The following DAB1 variants were observed in gnomAD, a reference collection of about 807,000 sequenced individuals.
DAB1 encodes the protein DAB adaptor protein 1.
A neutral mutation model predicts 64.6 loss-of-function variants in DAB1; 15 were observed. That is an observed-to-expected ratio of 0.23 (90% CI 0.16 to 0.36). The LOEUF is 0.36. DAB1 is among the 10% of genes least tolerant of loss of function. The pLI is 1.00. For synonymous variants in DAB1, 235 were observed against 251.9 expected, an observed-to-expected ratio of 0.93 and a Z score of 0.64; for missense variants, 596 against 706.7, an observed-to-expected ratio of 0.84 and a Z score of 1.78.
At chr1:58,405,510 C>T (rs1315180470) in intron 3 of DAB1, among the ~76,000 whole-genome samples, 1 of 152,068 alleles carries the variant, frequency 6.6e-6, no homozygotes, top group African/African-American at 2.4e-5. Context: ...GGACTACAGG[C>T]ATGCACCATC....
rs145508127 is a variant in DAB1, at chr1:58,111,816, G to A, written n.387+38695C>T. Among the ~76,000 whole-genome samples, 173 of 151,988 alleles carry A rather than the reference G, an allele frequency of 1.1e-3. 1 individual carries two copies. The East Asian group carries it at 0.023, about 20-fold the overall frequency. ...TCTCAGCTCTGAACTGCCCTCCATG[G>A]TTCCCTTCTTGCTCTTACTATAATC... On this transcript the variant is annotated intron_variant and non_coding_transcript_variant, in intron 5 of 20. Coordinates refer to the DAB1 transcript ENST00000485760.
intron 5 of DAB1, among the ~76,000 whole-genome samples, chr1:57,911,565 C>A (rs1214498482): frequency 6.6e-6 from 1 of 152,154 alleles, no homozygotes; most frequent in Non-Finnish European, 1.5e-5. Flanking sequence ...TCAGCATCAG[C>A]CAAGTGGCAC....
At chr1:57,620,378 C>G (rs1489621541) in intron 7 of DAB1, among the ~76,000 whole-genome samples, 1 of 152,174 alleles carries the variant, frequency 6.6e-6, no homozygotes, top group African/African-American at 2.4e-5. Context: ...AATGATAGGT[C>G]CCTCTGGACT....
In DAB1 at chr1:58,539,287, A is replaced by C. The variant is rs751307548; in HGVS notation, n.32+7416T>G. ...AGCAGCAGACTGCAATCCACAGATG[A>C]AGCTCATTTTTTCACTTGACTACCT... On this transcript the variant is annotated intron_variant and non_coding_transcript_variant, in intron 1 of 20. Coordinates refer to the DAB1 transcript ENST00000485760. The C allele has an allele frequency of 2.3e-5, 19 of 830,758 alleles. No individual in the cohort carries two copies. In the South Asian group the frequency reaches 2.7e-4, roughly 12 times the overall value. The allele number at this position is 830,758 out of a possible 1,614,324, so 51.5% of individuals were successfully genotyped here.
chr1:57,892,759 G>C (rs1166249233), intron 5 of DAB1, among the ~76,000 whole-genome samples: 1 of 152,198 alleles, frequency 6.6e-6, no homozygotes, highest in East Asian at 1.9e-4. Flanking sequence ...AATTCCTTGA[G>C]ACTGAGACCC....
chr1:58,427,308 G>A (rs1225982792), intron 3 of DAB1, among the ~76,000 whole-genome samples: 4 of 152,164 alleles, frequency 2.6e-5, no homozygotes, highest in African/African-American at 9.7e-5. Context: ...AGGCCCTCTA[G>A]ACATACTAAG....
At chr1:57,831,303 C>T (rs561443358) in intron 1 of DAB1, among the ~76,000 whole-genome samples, 1 of 152,152 alleles carries the variant, frequency 6.6e-6, no homozygotes, top group African/African-American at 2.4e-5. Flanking sequence ...AATATGAATT[C>T]CTTCAGACTC....
chr1:57,014,876 C>G lies in DAB1; in HGVS notation c.1444+7G>C. 6.5e-7 allele frequency: 1 copy of G among 1,542,070 alleles called. No individual in the cohort carries two copies. Among genetic ancestry groups the G allele is most frequent in the East Asian group, 2.3e-5 (1 of 44,128 alleles). ...TGGGTTTTATGTCTTAAGTGAGGGG[C>G]ACTCACGTGAGTTGGTCGATGGTGT... On this transcript the variant is annotated splice_region_variant and intron_variant, in intron 12 of 14. Transcript: ENST00000371236.
intron 1 of DAB1, among the ~76,000 whole-genome samples, chr1:57,838,850 C>T (rs1652927254): frequency 6.6e-6 from 1 of 151,350 alleles, no homozygotes; most frequent in Admixed American, 6.6e-5. Flanking sequence ...AATCATGGCT[C>T]ACTGTAGCTT....
chr1:57,958,994 A>C (rs1279647292), intron 5 of DAB1, among the ~76,000 whole-genome samples: 1 of 152,202 alleles, frequency 6.6e-6, no homozygotes, highest in African/African-American at 2.4e-5. Flanking sequence ...GGGAGGACAC[A>C]AAGTCAACCC....
chr1:58,300,646 G>GAGAGAGAA (rs1662140791), intron 4 of DAB1, among the ~76,000 whole-genome samples: 1 of 57,288 alleles, frequency 1.7e-5, no homozygotes. Flanking sequence ...GAGAGAGAGA[G>GAGAGAGAA]AGGAAGGAAG....
At chr1:57,519,151 C>T (rs946352022) in intron 7 of DAB1, among the ~76,000 whole-genome samples, 4 of 152,178 alleles carry the variant, frequency 2.6e-5, no homozygotes, top group Non-Finnish European at 4.4e-5. Context: ...CGAGTCTCAG[C>T]AAACTAGTGC....
intron 2 of DAB1, among the ~76,000 whole-genome samples, chr1:57,214,682 G>A (rs1435691245): frequency 1.3e-5 from 2 of 151,972 alleles, no homozygotes; most frequent in Non-Finnish European, 2.9e-5. Flanking sequence ...AGGCCAAGGT[G>A]GGTGGATCAC....
chr1:57,210,716 C>T (rs1465043386), intron 2 of DAB1, among the ~76,000 whole-genome samples: 4 of 152,076 alleles, frequency 2.6e-5, no homozygotes, highest in Non-Finnish European at 5.9e-5. Flanking sequence ...TAGTTGCAAT[C>T]GAGTTCATTT....
intron 7 of DAB1, among the ~76,000 whole-genome samples, chr1:57,454,635 A>C (rs1173602365): frequency 3.3e-5 from 5 of 152,134 alleles, no homozygotes; most frequent in Non-Finnish European, 7.3e-5. Flanking sequence ...ACAAACCTGT[A>C]CATGTACCCC....
intron 2 of DAB1, among the ~76,000 whole-genome samples, chr1:57,220,635 A>G (rs1666791934): frequency 6.6e-6 from 1 of 152,254 alleles, no homozygotes; most frequent in Non-Finnish European, 1.5e-5. Context: ...TATGCAGCCA[A>G]CAGACACATG....
intron 4 of DAB1, among the ~76,000 whole-genome samples, chr1:58,173,365 T>C (rs1169207408): frequency 6.6e-6 from 1 of 152,190 alleles, no homozygotes; most frequent in Non-Finnish European, 1.5e-5. Context: ...TGTCCGCTTC[T>C]CAGGGCCTCC....
At chr1:57,460,775 TC>T (rs1686755824) in intron 7 of DAB1, among the ~76,000 whole-genome samples, 1 of 152,062 alleles carries the variant, frequency 6.6e-6, no homozygotes. Context: ...ATAAGGAAGG[TC>T]CTGCAGACCC....
At chr1:57,760,022 T>A (rs1286219494) in intron 6 of DAB1, among the ~76,000 whole-genome samples, 1 of 152,064 alleles carries the variant, frequency 6.6e-6, no homozygotes, top group Non-Finnish European at 1.5e-5. Context: ...CTGTAGGGAA[T>A]AGAAGAGGAA....
Sources: gnomAD v4.1 joint callset for allele counts (sites outside exome capture counted in the v4.1 genomes callset) on GRCh38, gnomAD v4.1.1 for gene constraint, MANE v1.5 for transcripts, NCBI Gene and HGNC (gene_info 2026-07-23, HGNC 2026-07-21) for gene names.